Variants in COL11A1 observed in about 807,000 individuals in gnomAD.
The protein encoded by COL11A1 is collagen type XI alpha 1 chain, also known as collagen alpha-1(XI) chain.
A neutral mutation model predicts 265.2 loss-of-function variants in COL11A1; 74 were observed. The observed-to-expected ratio is 0.28, with a 90% confidence interval of 0.23 to 0.34. The LOEUF (loss-of-function observed/expected upper bound fraction) is 0.34. Ranked by LOEUF, COL11A1 falls within the 10% of genes least tolerant of loss-of-function variation. The probability of loss-of-function intolerance (pLI) is 1.00; values close to 1 mark genes in which losing one functional copy is unlikely to be tolerated. For missense variants in COL11A1, 2,165 were observed against 2,263.6 expected (o/e 0.96, Z 0.88); for synonymous variants, 816 against 727.6 (o/e 1.12, Z -1.96).
intron 49 of COL11A1, among the ~76,000 whole-genome samples, chr1:102,916,997 TATG>T (rs775009106): frequency 4.6e-5 from 7 of 151,754 alleles, no homozygotes; most frequent in South Asian, 2.1e-4. Flanking sequence ...TATTTAGAAA[TATG>T]ATAAGTCTAT....
chr1:102,971,902 C>G (rs1231861009), intron 36 of COL11A1, among the ~76,000 whole-genome samples: 1 of 151,948 alleles, frequency 6.6e-6, no homozygotes. Flanking sequence ...AACCAAGGAC[C>G]CAAAACATTC....
chr1:102,962,238 C>G lies in COL11A1; in HGVS notation c.3052G>C (p.Gly1018Arg), dbSNP rs757971705. Residue 1018 changes from glycine to arginine, a missense_variant, in exon 40 of 67, where the codon GGG becomes CGG. By Grantham distance (125) the Gly-to-Arg change is moderately radical (BLOSUM62 -2). Coordinates refer to ENST00000370096, the MANE Select transcript of COL11A1 (RefSeq NM_001854.4). ...CGTAATCCTGCTGGTCCATCTTTCC[C>G]TGAGATACCTTGAGGACCTGGATCA... ...KGDPGPQGIS[G>R]KDGPAGLRGF... is the part of the protein sequence containing the mutation. The G allele has an allele frequency of 6.2e-7, 1 of 1,613,728 alleles. No homozygotes were observed. The highest frequency in any genetic ancestry group is 1.1e-5 in the South Asian group (1 of 91,064).
intron 55 of COL11A1, 26 bp from the exon 56 acceptor site, chr1:102,898,799 A>C: frequency 6.3e-7 from 1 of 1,589,162 alleles, no homozygotes. Flanking sequence ...ATATGGGAGC[A>C]CATTAGTGAT....
rs759531426 is a variant in COL11A1 at position 102,934,575 on chromosome 1, C to T, written c.3493-19G>A. The T allele has an allele frequency of 6.3e-7, 1 of 1,576,720 alleles. No homozygotes were observed. The highest frequency in any genetic ancestry group is 8.7e-7 in the Non-Finnish European group (1 of 1,145,946). On this transcript the variant is annotated intron_variant, in intron 45 of 66. Coordinates refer to ENST00000370096, the MANE Select transcript of COL11A1 (RefSeq NM_001854.4). ...CACCTCCCTAGAGAAGAGAAAGAAA[C>T]ATTATCACAAACTGGAAAAAATCAT...
intron 46 of COL11A1, among the ~76,000 whole-genome samples, chr1:102,933,675 GC>G (rs1476486232): frequency 6.6e-6 from 1 of 152,074 alleles, no homozygotes; most frequent in Non-Finnish European, 1.5e-5. Flanking sequence ...AATGGCGGGC[GC>G]CCCTCCCCCA....
At chr1:102,898,546 C>A in intron 56 of COL11A1, 120 bp downstream of exon 56, 1 of 705,776 alleles carries the variant, frequency 1.4e-6, no homozygotes. Flanking sequence ...TACAGAATTC[C>A]CACAAAATTA....
chr1:102,970,978 C>A (rs1661918070), intron 36 of COL11A1, among the ~76,000 whole-genome samples: 1 of 151,594 alleles, frequency 6.6e-6, no homozygotes. Context: ...GGCGCCACTG[C>A]ACTCCGAGCG....
Position 102,889,484 on chromosome 1 carries a change from G to C in COL11A1, c.4435C>G (p.Gln1479Glu). 6.2e-7 allele frequency: 1 copy of C among 1,613,306 alleles called. No homozygotes were observed. The change falls in exon 59 of 67, where the codon CAA (glutamine) becomes GAA (glutamate). Residue 1479 changes from glutamine to glutamate, a missense_variant. By Grantham distance (29) the Gln-to-Glu change is conservative (BLOSUM62 2). Coordinates refer to ENST00000370096, the MANE Select transcript of COL11A1 (RefSeq NM_001854.4). ...EKGDRGLPGT[Q>E]GSPGAKGDGG... Reference sequence around the variant, plus strand: ...TCCCCTTTTGCTCCTGGAGATCCTTGAGTTCCAGGGAGCCCTCGGTCACCT... The same window carrying C: ...TCCCCTTTTGCTCCTGGAGATCCTTCAGTTCCAGGGAGCCCTCGGTCACCT...
chr1:102,949,092 A>C (rs938367774), intron 41 of COL11A1, among the ~76,000 whole-genome samples: 9 of 152,134 alleles, frequency 5.9e-5, no homozygotes, highest in Admixed American at 2.0e-4. Flanking sequence ...AGTCAGTAAT[A>C]AAAGTGCTCC....
intron 32 of COL11A1, 80 bp downstream of exon 32, chr1:102,979,302 T>C (rs1477491642): frequency 1.5e-6 from 2 of 1,307,028 alleles, no homozygotes; most frequent in South Asian, 1.2e-5. Flanking sequence ...CTCACAAATA[T>C]CTGGGAATAC....
intron 31 of COL11A1, among the ~76,000 whole-genome samples, chr1:102,979,855 AATATTATC>A (rs1662869363): frequency 6.6e-6 from 1 of 152,200 alleles, no homozygotes; most frequent in Non-Finnish European, 1.5e-5. Flanking sequence ...TTCCTGAATT[AATATTATC>A]ATATGTCTAT....
Position 102,878,475 on chromosome 1 carries a change from CATATATATATAT to C in COL11A1, c.5275-322_5275-311del, listed in dbSNP as rs57574729. On this transcript the variant is annotated intron_variant, in intron 66 of 66. Coordinates refer to ENST00000370096, the MANE Select transcript of COL11A1 (RefSeq NM_001854.4). Reference sequence around the variant, plus strand: ...AAAATTGATGTTGGTATTGAATCCTCATATATATATATATATATATATATATATTCTTTTTCT... The same window carrying C: ...AAAATTGATGTTGGTATTGAATCCTCATATATATATATATATTCTTTTTCT... 6.9e-3 allele frequency among the ~76,000 whole-genome samples: 344 copies of C among 49,878 alleles called. 9 individuals are homozygous for C. The highest frequency in any genetic ancestry group is 0.012 in the Non-Finnish European group (270 of 22,746). 32.7% of individuals were successfully genotyped at this position (49,878 alleles called of 152,430 possible). A position where few individuals can be genotyped will look rare whatever the true frequency, so the allele number is the denominator to read the frequency against.
At chr1:103,036,048 A>C (rs781693861) in intron 4 of COL11A1, among the ~76,000 whole-genome samples, 6 of 151,714 alleles carry the variant, frequency 4.0e-5, no homozygotes, top group Non-Finnish European at 5.9e-5. Flanking sequence ...TAAAACAAAT[A>C]AGGAGGCACT....
At chr1:103,072,083 A>G (rs1267194102) in intron 4 of COL11A1, among the ~76,000 whole-genome samples, 2 of 151,770 alleles carry the variant, frequency 1.3e-5, no homozygotes, top group Non-Finnish European at 2.9e-5. Context: ...TCATATACTC[A>G]CTCTGCTATG....
intron 28 of COL11A1, among the ~76,000 whole-genome samples, chr1:102,991,561 T>C (rs1664136566): frequency 6.6e-6 from 1 of 152,114 alleles, no homozygotes; most frequent in African/African-American, 2.4e-5. Flanking sequence ...CGTCCTGCAT[T>C]TTCTAGATCA....
chr1:103,056,760 C>G (rs1362728795), intron 4 of COL11A1, among the ~76,000 whole-genome samples: 1 of 152,106 alleles, frequency 6.6e-6, no homozygotes, highest in Non-Finnish European at 1.5e-5. Context: ...AAAATATTGC[C>G]AAGATTTTTT....
chr1:102,923,485 A>G lies in COL11A1; in HGVS notation c.3601-96T>C, dbSNP rs1193049204. On this transcript the variant is annotated intron_variant, in intron 46 of 66. Transcript: ENST00000370096. ...AAGATAAAATCAAGTATAAAGTTCA[A>G]TAAGTACATGGAAATTAAGATTCAG... is the stretch of plus-strand genomic sequence containing the variant. 1.5e-5 allele frequency: 14 copies of G among 906,782 alleles called. No individual in the cohort carries two copies. In the East Asian group the frequency reaches 2.6e-4, roughly 17 times the overall value. The allele number at this position is 906,782 out of a possible 1,614,324, so 56.2% of individuals were successfully genotyped here.
chr1:102,991,053 C>CA (rs1664080351), intron 28 of COL11A1, among the ~76,000 whole-genome samples: 3 of 151,938 alleles, frequency 2.0e-5, no homozygotes, highest in African/African-American at 7.2e-5. Flanking sequence ...CAAAACAAAA[C>CA]AAACAAACAA....
chr1:102,893,212 C>T (rs1447906620), intron 57 of COL11A1, among the ~76,000 whole-genome samples: 1 of 152,128 alleles, frequency 6.6e-6, no homozygotes, highest in Non-Finnish European at 1.5e-5. Context: ...AAAAGAACTA[C>T]TAGTGATTCT....
Sources: allele counts gnomAD v4.1 joint callset (sites outside exome capture counted in the v4.1 genomes callset), GRCh38; gene constraint gnomAD v4.1.1; transcripts MANE v1.5; gene names NCBI Gene and HGNC (gene_info 2026-07-23, HGNC 2026-07-21).